The following NKTR variants were observed in gnomAD, a reference collection of about 807,000 sequenced individuals.
The protein encoded by NKTR is natural killer cell triggering receptor.
Under a neutral mutation model 156.3 loss-of-function variants are expected in NKTR, and 67 were observed. That is an observed-to-expected ratio of 0.43 (90% CI 0.35 to 0.53). NKTR has a LOEUF of 0.53. NKTR is among the 20% of genes least tolerant of loss of function. The pLI is 0.01. For missense variants in NKTR, 1,604 were observed against 1,730.9 expected (o/e 0.93, Z 1.30); for synonymous variants, 640 against 596.6 (o/e 1.07, Z -1.06).
At chr3:42,606,786 T>C (rs1345440397) in intron 2 of NKTR, among the ~76,000 whole-genome samples, 2 of 152,154 alleles carry the variant, frequency 1.3e-5, no homozygotes, top group African/African-American at 4.8e-5. Flanking sequence ...GGCAGGAGGA[T>C]TGCTTGAGCA....
chr3:42,618,161 G>A (rs891967101), intron 3 of NKTR, among the ~76,000 whole-genome samples: 12 of 151,698 alleles, frequency 7.9e-5, no homozygotes, highest in Non-Finnish European at 1.5e-5. Flanking sequence ...GACTAGCCTC[G>A]CCAACATGGT....
chr3:42,622,347 A>C (rs1707995023), intron 6 of NKTR, among the ~76,000 whole-genome samples: 2 of 152,034 alleles, frequency 1.3e-5, no homozygotes, highest in African/African-American at 4.8e-5. Context: ...CATGAGGGTT[A>C]TTGCTTTTGA....
chr3:42,616,915 C>T (rs189579993), intron 2 of NKTR, among the ~76,000 whole-genome samples: 61 of 152,194 alleles, frequency 4.0e-4, no homozygotes, highest in Admixed American at 1.1e-3. Flanking sequence ...CACCATCCCC[C>T]GCTAATTTTT....
intron 15 of NKTR, chr3:42,643,664 T>C (rs1710106661): frequency 1.5e-6 from 1 of 667,642 alleles, no homozygotes; most frequent in Middle Eastern, 2.4e-4. Context: ...AACTAACTCG[T>C]TAACTTTGTG....
intron 2 of NKTR, among the ~76,000 whole-genome samples, chr3:42,608,049 G>GCGCGAT (rs1706409240): frequency 8.0e-6 from 1 of 125,190 alleles, no homozygotes; most frequent in Non-Finnish European, 1.6e-5. Flanking sequence ...GAGTGCAATG[G>GCGCGAT]CGCGATCTCA....
intron 6 of NKTR, among the ~76,000 whole-genome samples, chr3:42,623,585 G>C (rs953494729): frequency 6.6e-6 from 1 of 151,980 alleles, no homozygotes; most frequent in African/African-American, 2.4e-5. Flanking sequence ...TGGAGATGGT[G>C]GCTGATAAAA....
intron 13 of NKTR, among the ~76,000 whole-genome samples, chr3:42,640,173 C>T (rs1365633741): frequency 1.3e-5 from 2 of 152,180 alleles, no homozygotes; most frequent in Non-Finnish European, 2.9e-5. Flanking sequence ...AAGTTACCTG[C>T]CCAAGACATG....
chr3:42,616,148 C>T (rs1183845477), intron 2 of NKTR, among the ~76,000 whole-genome samples: 4 of 152,146 alleles, frequency 2.6e-5, no homozygotes, highest in Admixed American at 6.5e-5. Context: ...GAATACAATA[C>T]AGTCTTAGTG....
intron 2 of NKTR, among the ~76,000 whole-genome samples, chr3:42,615,206 G>C (rs1377850441): frequency 6.6e-6 from 1 of 151,844 alleles, no homozygotes; most frequent in Non-Finnish European, 1.5e-5. Context: ...AGCCTCCCGA[G>C]TAGCTAGGAT....
intron 9 of NKTR, chr3:42,633,195 A>G (rs1335835457): frequency 1.9e-5 from 8 of 425,978 alleles, no homozygotes; most frequent in Middle Eastern, 9.6e-4. Context: ...GTATACCACT[A>G]TGCTTGGCTA....
At chr3:42,634,169 A>G (rs1192086484) in intron 10 of NKTR, among the ~76,000 whole-genome samples, 3 of 152,226 alleles carry the variant, frequency 2.0e-5, no homozygotes, top group Non-Finnish European at 2.9e-5. Context: ...TGGAGATACA[A>G]TTTAGTATCA....
At chr3:42,622,945 C>A (rs893700757) in intron 6 of NKTR, among the ~76,000 whole-genome samples, 1 of 151,914 alleles carries the variant, frequency 6.6e-6, no homozygotes, top group Non-Finnish European at 1.5e-5. Flanking sequence ...TATATCAGTA[C>A]AATTAAAATT....
chr3:42,608,458 T>G (rs1188732582), intron 2 of NKTR, among the ~76,000 whole-genome samples: 1 of 152,110 alleles, frequency 6.6e-6, no homozygotes, highest in Non-Finnish European at 1.5e-5. Context: ...GGCAAGGTAT[T>G]GTAGGTGCAG....
rs1709675098 is a variant in NKTR, at chr3:42,639,245, A to C, written c.3541A>C (p.Ser1181Arg). The C allele has an allele frequency of 6.2e-7, 1 of 1,614,110 alleles. No individual in the cohort carries two copies. The highest frequency in any genetic ancestry group is 8.5e-7 in the Non-Finnish European group (1 of 1,180,036). Residue 1181 changes from serine to arginine, a missense_variant, in exon 13 of 17, where the codon AGC becomes CGC. Physicochemically the swap from Ser to Arg is moderately radical, Grantham distance 110. This residue lies in a region of NKTR where 1,255 missense variants were observed against 1,243.7 expected (regional missense o/e 1.01). Transcript: ENST00000232978. ...PQAEVVKQES[S>R]MSESKVLGEV... ...AGCAGAGGTAGTAAAACAGGAAAGC[A>C]GCATGTCCGAAAGTAAAGTGTTGGG...
Position 42,637,492 on chromosome 3 carries a change from A to G in NKTR, c.1788A>G (p.Val596=), listed in dbSNP as rs1709531444. Reference sequence around the variant, plus strand: ...CCATGGCACAAAATGAAAATGTAGTAGTACAACCAGTTGTAGCAGAAAATA... The same window carrying G: ...CCATGGCACAAAATGAAAATGTAGTGGTACAACCAGTTGTAGCAGAAAATA... ...RATMAQNENV[V]VQPVVAENIP... Residue 596 remains valine, a synonymous_variant, in exon 13 of 17, where the codon GTA becomes GTG. Transcript: ENST00000232978. 11 of 1,614,006 alleles carry G rather than the reference A, an allele frequency of 6.8e-6. No individual in the cohort carries two copies. Among genetic ancestry groups the G allele is most frequent in the Non-Finnish European group, 7.6e-6 (9 of 1,179,942 alleles).
intron 2 of NKTR, among the ~76,000 whole-genome samples, chr3:42,612,602 A>G (rs1174303530): frequency 6.6e-6 from 1 of 152,178 alleles, no homozygotes; most frequent in East Asian, 1.9e-4. Flanking sequence ...TCTTCCTACT[A>G]GTTCTCATTC....
At chr3:42,633,507 A>G in intron 9 of NKTR, 73 bp from the exon 10 acceptor site, 1 of 1,545,826 alleles carries the variant, frequency 6.5e-7, no homozygotes. Context: ...TTGTTTTAGT[A>G]ACTAATTTTA....
intron 6 of NKTR, among the ~76,000 whole-genome samples, chr3:42,622,178 A>G (rs568705870): frequency 1.1e-4 from 16 of 152,224 alleles, no homozygotes; most frequent in Non-Finnish European, 1.9e-4. Context: ...ATATATTTAC[A>G]TGGATGTGCA....
chr3:42,642,423 T>C (rs1191065784), intron 13 of NKTR, 78 bp from the exon 14 acceptor site: 1 of 1,085,602 alleles, frequency 9.2e-7, no homozygotes. Flanking sequence ...TTTTCCCCTT[T>C]CTGCCCTACC....
Sources: gnomAD v4.1 joint callset for allele counts (sites outside exome capture counted in the v4.1 genomes callset) on GRCh38, gnomAD v4.1.1 for gene constraint, gnomAD v4.1.1 regional missense constraint, MANE v1.5 for transcripts, NCBI Gene and HGNC (gene_info 2026-07-23, HGNC 2026-07-21) for gene names.